Variants in CMTR1 observed in about 807,000 individuals in gnomAD.
The protein encoded by CMTR1 is cap-specific mRNA (nucleoside-2'-O-)-methyltransferase 1.
In CMTR1, 39 loss-of-function variants were observed where a neutral mutation model predicts 107.0. The observed-to-expected ratio is 0.36, with a 90% CI of 0.28 to 0.48. The LOEUF (loss-of-function observed/expected upper bound fraction) is 0.48. Ranked by LOEUF, CMTR1 falls within the 20% of genes least tolerant of loss-of-function variation. The pLI is 0.99. For synonymous variants in CMTR1, 366 were observed against 379.5 expected (o/e 0.96, Z 0.41); for missense variants, 672 against 1,064.9 (o/e 0.63, Z 5.14).
In CMTR1 at chr6:37,437,850, T is replaced by C. The variant is rs78829987; in HGVS notation, c.133+2088T>C. Among the ~76,000 whole-genome samples the C allele has an allele frequency of 4.9e-3, 743 of 152,234 alleles. 13 individuals are homozygous for C. The highest frequency in any genetic ancestry group is 0.017 in the African/African-American group (712 of 41,548). ...GAGTATGTCTGGGGAACAAGTGATATCTGGTTCTAAGTGGATCTTGGGGGA... is the reference window on the plus strand; with the variant it reads ...GAGTATGTCTGGGGAACAAGTGATACCTGGTTCTAAGTGGATCTTGGGGGA... On this transcript the variant is annotated intron_variant, in intron 2 of 23. Transcript: ENST00000373451.
At chr6:37,428,306 G>A (rs763806915), upstream of CMTR1, among the ~76,000 whole-genome samples, 3 of 152,180 alleles carry the variant, frequency 2.0e-5, no homozygotes, top group Non-Finnish European at 2.9e-5. Context: ...GCAGAAGTAT[G>A]TTGTGTTGTT....
intron 8 of CMTR1, among the ~76,000 whole-genome samples, chr6:37,455,322 G>A (rs1356346551): frequency 6.6e-6 from 1 of 152,160 alleles, no homozygotes; most frequent in Non-Finnish European, 1.5e-5. Flanking sequence ...AAGGTGATCC[G>A]CCTGCCTTGG....
In CMTR1 at chr6:37,450,212, G is replaced by C. The variant is rs766989451; in HGVS notation, c.445-39G>C. Reference sequence around the variant, plus strand: ...TGAGTTGGGGTTTAGCTTTGAGGGTGTGTCATATCTGTCTTACTAGCCTCT... The same window carrying C: ...TGAGTTGGGGTTTAGCTTTGAGGGTCTGTCATATCTGTCTTACTAGCCTCT... On this transcript the variant is annotated intron_variant, in intron 4 of 23. Coordinates refer to ENST00000373451, the MANE Select transcript of CMTR1 (RefSeq NM_015050.3). 1.2e-5 allele frequency: 19 copies of C among 1,530,994 alleles called. No homozygotes were observed. The African/African-American group carries it at 2.6e-4, about 21-fold the overall frequency. 94.8% of individuals were successfully genotyped at this position (1,530,994 alleles called of 1,614,324 possible).
chr6:37,457,087 G>T (rs1415126841), intron 8 of CMTR1, among the ~76,000 whole-genome samples: 1 of 151,858 alleles, frequency 6.6e-6, no homozygotes, highest in African/African-American at 2.4e-5. Flanking sequence ...GAGCGTGGTG[G>T]TGTGTGTCAG....
upstream of CMTR1, among the ~76,000 whole-genome samples, chr6:37,432,203 T>G (rs1771398026): frequency 6.6e-6 from 1 of 152,066 alleles, no homozygotes; most frequent in Non-Finnish European, 1.5e-5. Context: ...GAAGAAGGGG[T>G]CATGCTGGAG....
chr6:37,462,152 A>G (rs1313990997), intron 12 of CMTR1, 50 bp downstream of exon 12: 2 of 1,605,128 alleles, frequency 1.2e-6, no homozygotes. Context: ...AAATGTCAGA[A>G]CAGCAAATCA....
chr6:37,477,735 CG>C (rs1320382332), intron 21 of CMTR1, 96 bp downstream of exon 21: 7 of 373,530 alleles, frequency 1.9e-5, no homozygotes, highest in East Asian at 1.6e-4. Flanking sequence ...GGGTCGGGGG[CG>C]GGGGGTGGTG....
chr6:37,468,064 G>A (rs529138937), intron 13 of CMTR1, among the ~76,000 whole-genome samples: 6 of 141,988 alleles, frequency 4.2e-5, no homozygotes, highest in Non-Finnish European at 7.7e-5. Context: ...TGGGGGGGGG[G>A]ACTAATTCAG....
At position 37,478,533 on chromosome 6, in the gene CMTR1, G is replaced by A; in HGVS notation, c.2266+12G>A. 6.2e-7 allele frequency: 1 copy of A among 1,601,700 alleles called. No homozygotes were observed. The highest frequency in any genetic ancestry group is 8.6e-7 in the Non-Finnish European group (1 of 1,168,894). On this transcript the variant is annotated intron_variant, in intron 22 of 23. Transcript: ENST00000373451. ...CAGGACAGTGAATGGTGGGTGAGGAGGGACTGTTCCCGCCATCCCCTCCCC... is the reference window on the plus strand; with the variant it reads ...CAGGACAGTGAATGGTGGGTGAGGAAGGACTGTTCCCGCCATCCCCTCCCC...
intron 8 of CMTR1, among the ~76,000 whole-genome samples, chr6:37,455,106 C>T (rs1369827293): frequency 6.8e-6 from 1 of 146,254 alleles, no homozygotes; most frequent in Admixed American, 6.8e-5. Context: ...TTTTTCGAGA[C>T]GGAGTTTCGC....
chr6:37,473,844 C>G (rs759896838), intron 17 of CMTR1, among the ~76,000 whole-genome samples: 1 of 152,212 alleles, frequency 6.6e-6, no homozygotes, highest in East Asian at 1.9e-4. Context: ...AACACTGCTA[C>G]TTTTCTTGTG....
upstream of CMTR1, among the ~76,000 whole-genome samples, chr6:37,430,767 T>C (rs959381215): frequency 2.6e-5 from 4 of 152,114 alleles, no homozygotes; most frequent in Non-Finnish European, 2.9e-5. Flanking sequence ...GTAATCCCAG[T>C]CCTTTGGGAG....
At position 37,458,630 on chromosome 6, in the gene CMTR1, C is replaced by T. The variant is rs1761344379; in HGVS notation, c.796C>T (p.Arg266Trp). The T allele has an allele frequency of 3.7e-6, 6 of 1,613,490 alleles. No individual in the cohort carries two copies. Among genetic ancestry groups the T allele is most frequent in the Non-Finnish European group, 5.1e-6 (6 of 1,180,014 alleles). ...TTTGCAGAAGCCACTGGTGAAGGAC[C>T]GGGAAGCTGAGCTTCTGTACTTTGC... The part of the protein sequence containing the change: ...DSYGKPLVKD[R>W]EAELLYFADV... Residue 266 changes from arginine to tryptophan, a missense_variant, in exon 9 of 24, where the codon CGG (arginine) becomes TGG (tryptophan). Physicochemically the swap from Arg to Trp is moderately radical, Grantham distance 101 (BLOSUM62 -3). Transcript: ENST00000373451. The surrounding 1 kb of genome is among the most constrained non-coding windows in gnomAD (Gnocchi z 4.7).
chr6:37,450,233 CCT>C lies in CMTR1; in HGVS notation c.445-13_445-12del. On this transcript the variant is annotated splice_polypyrimidine_tract_variant and intron_variant, in intron 4 of 23. Coordinates refer to ENST00000373451, the MANE Select transcript of CMTR1 (RefSeq NM_015050.3). The stretch of plus-strand genomic sequence containing the variant: ...GGGTGTGTCATATCTGTCTTACTAG[CCT>C]CTCTTTTGTTTGCAGCCCAGTGCTT... The C allele has an allele frequency of 6.2e-7, 1 of 1,606,486 alleles. No individual in the cohort carries two copies. The highest frequency in any genetic ancestry group is 8.5e-7 in the Non-Finnish European group (1 of 1,173,174).
chr6:37,464,001 C>T (rs1048071980), intron 13 of CMTR1, among the ~76,000 whole-genome samples: 3 of 152,180 alleles, frequency 2.0e-5, no homozygotes, highest in African/African-American at 7.2e-5. Context: ...CATGGCAGAA[C>T]TGGAATTCTT....
intron 6 of CMTR1, 89 bp from the exon 7 acceptor site, chr6:37,452,957 TC>T (rs1761215730): frequency 9.0e-7 from 1 of 1,106,396 alleles, no homozygotes; most frequent in Non-Finnish European, 1.4e-6. Flanking sequence ...GGAATCTTGT[TC>T]CTTGGAGGGC....
rs145497042 is a variant in CMTR1, at chr6:37,457,937, C to G, written c.778-675C>G. Among the ~76,000 whole-genome samples the G allele has an allele frequency of 1.4e-3, 213 of 152,222 alleles. 1 individual carries two copies. Among genetic ancestry groups the G allele is most frequent in the African/African-American group, 4.8e-3 (201 of 41,530 alleles). ...ACTTTGTGACTTTGTATCTTGGTGC[C>G]TCTTTTTCCCTATCTGTATATGTGG... On this transcript the variant is annotated intron_variant, in intron 8 of 23. Coordinates refer to ENST00000373451, the MANE Select transcript of CMTR1 (RefSeq NM_015050.3).
At chr6:37,471,207 A>G (rs780753081) in intron 14 of CMTR1, 130 bp downstream of exon 14, 12 of 765,214 alleles carry the variant, frequency 1.6e-5, no homozygotes, top group African/African-American at 7.0e-5. Context: ...ATACTCTGCT[A>G]TGGTCTCTGA....
intron 3 of CMTR1, 69 bp from the exon 4 acceptor site, chr6:37,446,222 G>C: frequency 6.6e-7 from 1 of 1,509,692 alleles, no homozygotes; most frequent in South Asian, 1.2e-5. Flanking sequence ...ACACTGTTTG[G>C]CATGTGATGG....
Sources: gnomAD v4.1 joint callset for allele counts (sites outside exome capture counted in the v4.1 genomes callset) on GRCh38, gnomAD v4.1.1 for gene constraint, Gnocchi (gnomAD v3.1) non-coding constraint, MANE v1.5 for transcripts, NCBI Gene and HGNC (gene_info 2026-07-23, HGNC 2026-07-21) for gene names.